Variants in PDE7B observed in about 807,000 individuals in gnomAD.
PDE7B encodes 3',5'-cyclic-AMP phosphodiesterase 7B.
Under a neutral mutation model 56.2 loss-of-function variants are expected in PDE7B, and 29 were observed. That is an observed-to-expected ratio of 0.52 (90% CI 0.38 to 0.70). PDE7B has a LOEUF of 0.70. Ranked by LOEUF, PDE7B falls within the 30% of genes least tolerant of loss-of-function variation. The pLI, the probability that PDE7B is intolerant of heterozygous loss-of-function variation, is 0.00. For missense variants in PDE7B, 490 were observed against 565.0 expected (o/e 0.87, Z 1.35); for synonymous variants, 197 against 196.9 (o/e 1.00, Z 0.00).
rs546089335 is a variant in PDE7B, at chr6:136,018,280, G to C, written c.82+70756G>C. 2.0e-5 allele frequency among the ~76,000 whole-genome samples: 3 copies of C among 152,234 alleles called. No homozygotes were observed. In the South Asian group the frequency reaches 6.2e-4, roughly 32 times the overall value. ...AGAGAGATACAGCCCTATCCCCAGA[G>C]ACCTGTCTCATCTTTGGGCAGCCCA... On this transcript the variant is annotated intron_variant, in intron 2 of 12. Coordinates refer to ENST00000308191, the MANE Select transcript of PDE7B (RefSeq NM_018945.4).
intron 2 of PDE7B, among the ~76,000 whole-genome samples, chr6:135,959,330 A>C (rs1439214954): frequency 6.6e-6 from 1 of 152,216 alleles, no homozygotes; most frequent in Non-Finnish European, 1.5e-5. Flanking sequence ...ATATAAGAAA[A>C]GAGTTACTAT....
intron 8 of PDE7B, among the ~76,000 whole-genome samples, chr6:136,164,635 A>T (rs540494631): frequency 5.9e-5 from 9 of 152,310 alleles, no homozygotes; most frequent in African/African-American, 2.2e-4. Context: ...CTGGAAAAGT[A>T]TTTAGTACTT....
intron 6 of PDE7B, among the ~76,000 whole-genome samples, chr6:136,152,254 A>G (rs756396112): frequency 1.3e-5 from 2 of 152,368 alleles, no homozygotes; most frequent in Admixed American, 6.5e-5. Context: ...GTCTGCTGAC[A>G]TATTAACAAA....
intron 1 of PDE7B, among the ~76,000 whole-genome samples, chr6:135,892,417 C>A (rs1775825121): frequency 6.6e-6 from 1 of 152,112 alleles, no homozygotes; most frequent in East Asian, 1.9e-4. Context: ...ATTTTTATAG[C>A]TAATGCATCA....
chr6:135,875,407 A>G (rs1775473536), intron 1 of PDE7B, among the ~76,000 whole-genome samples: 1 of 152,074 alleles, frequency 6.6e-6, no homozygotes, highest in Non-Finnish European at 1.5e-5. Context: ...TTTATACTAG[A>G]ATAAAAATAT....
chr6:135,905,195 C>T (rs529748866), intron 1 of PDE7B, among the ~76,000 whole-genome samples: 22 of 152,220 alleles, frequency 1.4e-4, no homozygotes, highest in Non-Finnish European at 2.6e-4. Flanking sequence ...AACCAAGTGC[C>T]ACTAACATAT....
At chr6:136,002,344 A>G (rs919582947) in intron 2 of PDE7B, among the ~76,000 whole-genome samples, 14 of 152,344 alleles carry the variant, frequency 9.2e-5, no homozygotes, top group Admixed American at 8.5e-4. Context: ...AAATTCACAC[A>G]TAACAATATT....
intron 12 of PDE7B, among the ~76,000 whole-genome samples, chr6:136,189,711 C>T (rs1218193393): frequency 6.6e-6 from 1 of 152,270 alleles, no homozygotes; most frequent in South Asian, 2.1e-4. Context: ...CCCTACTCCC[C>T]CTTCCTCCCC....
intron 2 of PDE7B, among the ~76,000 whole-genome samples, chr6:135,977,373 T>G (rs770527762): frequency 4.6e-5 from 7 of 152,092 alleles, no homozygotes; most frequent in Non-Finnish European, 7.4e-5. Context: ...GCCATCAGCT[T>G]GGATTCAGAT....
In PDE7B at chr6:135,855,359, T is replaced by C. The variant is rs186335488; in HGVS notation, c.21+3340T>C. On this transcript the variant is annotated intron_variant, in intron 1 of 12. Transcript: ENST00000308191. ...AACGTATTCTGGTTGAGTATGAATA[T>C]TTAAACAAATGACTGGAGTCTGTAC... Among the ~76,000 whole-genome samples, 325 of 152,220 alleles carry C rather than the reference T, an allele frequency of 2.1e-3. 2 individuals are homozygous for C. The highest frequency in any genetic ancestry group is 7.7e-3 in the African/African-American group (318 of 41,530).
At chr6:136,052,622 C>CCA (rs1776651714) in intron 2 of PDE7B, among the ~76,000 whole-genome samples, 1 of 144,608 alleles carries the variant, frequency 6.9e-6, no homozygotes, top group African/African-American at 2.6e-5. Flanking sequence ...GTACAGCCCC[C>CCA]CCCCACCCAC....
At chr6:135,894,897 TTA>T (rs1372782051) in intron 1 of PDE7B, among the ~76,000 whole-genome samples, 1 of 152,130 alleles carries the variant, frequency 6.6e-6, no homozygotes, top group Non-Finnish European at 1.5e-5. Flanking sequence ...AAAATTAATT[TTA>T]GAGTTTTCTT....
intron 1 of PDE7B, among the ~76,000 whole-genome samples, chr6:135,870,274 A>G (rs550827187): frequency 6.6e-6 from 1 of 152,298 alleles, no homozygotes; most frequent in South Asian, 2.1e-4. Context: ...CAATGCTGTG[A>G]TTCCAGATTC....
At chr6:136,155,181 C>CA in intron 7 of PDE7B, among the ~76,000 whole-genome samples, 1 of 152,282 alleles carries the variant, frequency 6.6e-6, no homozygotes, top group East Asian at 1.9e-4. Flanking sequence ...CCACTTCTTT[C>CA]AAAGTGGCAA....
At chr6:135,972,665 A>G (rs200360756) in intron 2 of PDE7B, among the ~76,000 whole-genome samples, 2 of 152,176 alleles carry the variant, frequency 1.3e-5, no homozygotes, top group East Asian at 3.8e-4. Context: ...TCTGCTCTAA[A>G]TCAATATTCC....
chr6:136,026,951 G>A (rs570262655), intron 2 of PDE7B, among the ~76,000 whole-genome samples: 98 of 152,322 alleles, frequency 6.4e-4, no homozygotes, highest in African/African-American at 2.3e-3. Context: ...TTGGAGGTGG[G>A]ACCTATGGGA....
chr6:136,078,166 T>C (rs181372478), intron 2 of PDE7B, among the ~76,000 whole-genome samples: 94 of 152,140 alleles, frequency 6.2e-4, no homozygotes, highest in Middle Eastern at 3.4e-3. Context: ...GAGTTGTGAG[T>C]CAGCTACAAG....
chr6:135,889,773 T>A, intron 1 of PDE7B, among the ~76,000 whole-genome samples: 1 of 107,482 alleles, frequency 9.3e-6, no homozygotes, highest in African/African-American at 6.3e-5. Flanking sequence ...TTTTTTTTTT[T>A]GAGATGGAGT....
At chr6:136,063,113 G>A (rs1776870918) in intron 2 of PDE7B, among the ~76,000 whole-genome samples, 1 of 152,166 alleles carries the variant, frequency 6.6e-6, no homozygotes, top group Non-Finnish European at 1.5e-5. Context: ...AATTAGACTA[G>A]TATTAGCGAC....
Sources: gnomAD v4.1 joint callset for allele counts (sites outside exome capture counted in the v4.1 genomes callset) on GRCh38, gnomAD v4.1.1 for gene constraint, MANE v1.5 for transcripts, NCBI Gene and HGNC (gene_info 2026-07-23, HGNC 2026-07-21) for gene names.